Variants in APP observed in about 807,000 individuals in gnomAD.
The protein encoded by APP is amyloid-beta precursor protein.
A neutral mutation model predicts 101.4 loss-of-function variants in APP; 31 were observed. The observed-to-expected ratio is 0.31, with a 90% CI of 0.23 to 0.41. APP has a LOEUF of 0.41. Among genes scored for constraint, APP ranks in the 10% least tolerant of loss-of-function variants. The pLI is 1.00. For missense variants in APP, 839 were observed against 1,003.7 expected (o/e 0.84, Z 2.22); for synonymous variants, 366 against 364.4 (o/e 1.00, Z -0.05).
chr21:26,055,702 C>G (rs899829018), intron 3 of APP, among the ~76,000 whole-genome samples: 1 of 152,202 alleles, frequency 6.6e-6, no homozygotes, highest in Non-Finnish European at 1.5e-5. Flanking sequence ...AATGTCCAAA[C>G]TAAGAAGTGA....
At chr21:26,136,205 A>AAAGAAG (rs758175200) in intron 1 of APP, among the ~76,000 whole-genome samples, 2 of 116,984 alleles carry the variant, frequency 1.7e-5, no homozygotes, top group African/African-American at 7.2e-5. Flanking sequence ...AAGAAAGAAA[A>AAAGAAG]GAAAAGAAAG....
intron 6 of APP, among the ~76,000 whole-genome samples, chr21:26,010,324 TTC>T (rs552830774): frequency 4.1e-4 from 63 of 152,356 alleles, no homozygotes; most frequent in African/African-American, 1.3e-3. Context: ...TTATGTTGTT[TTC>T]TGTTTCTAAA....
intron 8 of APP, among the ~76,000 whole-genome samples, chr21:25,987,785 T>A (rs541763651): frequency 1.3e-5 from 2 of 152,356 alleles, no homozygotes; most frequent in South Asian, 4.1e-4. Context: ...TTAGTGCGCC[T>A]GTTCATTCTT....
At chr21:26,025,461 G>A (rs996321017) in intron 5 of APP, among the ~76,000 whole-genome samples, 7 of 152,150 alleles carry the variant, frequency 4.6e-5, no homozygotes, top group African/African-American at 1.7e-4. Context: ...CTGGAATGAC[G>A]ATGTCCAAGT....
intron 5 of APP, among the ~76,000 whole-genome samples, chr21:26,033,268 G>A (rs1638551469): frequency 6.6e-6 from 1 of 152,164 alleles, no homozygotes; most frequent in Admixed American, 6.5e-5. Flanking sequence ...CAGTGAGGGA[G>A]TTCTCAGGAG....
chr21:25,907,949 CA>C (rs11350204), intron 14 of APP, among the ~76,000 whole-genome samples: 8,388 of 152,250 alleles, frequency 0.055, 747 homozygotes, highest in African/African-American at 0.19. Context: ...TACATCCATA[CA>C]AGTCTTATAA....
intron 5 of APP, among the ~76,000 whole-genome samples, chr21:26,046,643 C>A (rs1325542014): frequency 2.0e-5 from 3 of 152,090 alleles, no homozygotes; most frequent in African/African-American, 2.4e-5. Context: ...TAAAAGAATA[C>A]ATCGATAATT....
At chr21:26,032,177 A>G (rs1471328149) in intron 5 of APP, among the ~76,000 whole-genome samples, 2 of 152,184 alleles carry the variant, frequency 1.3e-5, no homozygotes, top group African/African-American at 2.4e-5. Flanking sequence ...TTCCTCTTCC[A>G]ACAAGCCCAC....
intron 9 of APP, among the ~76,000 whole-genome samples, chr21:25,979,579 G>T (rs1291357104): frequency 1.3e-5 from 2 of 152,002 alleles, no homozygotes; most frequent in African/African-American, 2.4e-5. Context: ...TCTGCTCTGG[G>T]ACAACATCTC....
intron 5 of APP, among the ~76,000 whole-genome samples, chr21:26,027,083 CAG>C (rs1568876607): frequency 6.6e-6 from 1 of 151,954 alleles, no homozygotes; most frequent in African/African-American, 2.4e-5. Flanking sequence ...TACAGATAAA[CAG>C]GGAGGAAATG....
intron 13 of APP, among the ~76,000 whole-genome samples, chr21:25,952,228 T>TCACACACAC (rs2041117828): frequency 1.0e-5 from 1 of 98,600 alleles, no homozygotes; most frequent in Non-Finnish European, 2.1e-5. Context: ...ACACACACAT[T>TCACACACAC]AAGAGCACAT....
At chr21:26,076,525 C>T (rs2061499644) in intron 3 of APP, among the ~76,000 whole-genome samples, 1 of 152,156 alleles carries the variant, frequency 6.6e-6, no homozygotes, top group South Asian at 2.1e-4. Flanking sequence ...AGAGTAAAAA[C>T]AATCACAAGT....
chr21:25,970,960 C>T (rs1304973077), intron 11 of APP, among the ~76,000 whole-genome samples: 5 of 152,146 alleles, frequency 3.3e-5, no homozygotes, highest in African/African-American at 1.2e-4. Context: ...AATGCACAAA[C>T]AATTCCAGCC....
chr21:25,880,978 T>C lies in APP; in HGVS notation c.*692A>G, dbSNP rs1162410092. The C allele has an allele frequency of 6.7e-6, 1 of 150,134 alleles. No homozygotes were observed. The highest frequency in any genetic ancestry group is 1.5e-5 in the Non-Finnish European group (1 of 67,596). The allele number at this position is 150,134 out of a possible 1,614,324, so 9.3% of individuals were successfully genotyped here. A position where few individuals can be genotyped will look rare whatever the true frequency, so the allele number is the denominator to read the frequency against. ...AAAAGTGCTTACAATGAACAGGGAT[T>C]CTTTTCTTTATCAAAGACCCAAAGA... is the stretch of plus-strand genomic sequence containing the variant. On this transcript the variant is annotated 3_prime_UTR_variant, in exon 18 of 18. Transcript: ENST00000346798.
At chr21:25,933,088 CTT>C (rs765344839) in intron 13 of APP, among the ~76,000 whole-genome samples, 2 of 152,078 alleles carry the variant, frequency 1.3e-5, no homozygotes, top group African/African-American at 2.4e-5. Context: ...ATATCCATCA[CTT>C]AAATGTTTTT....
At chr21:26,124,813 T>C (rs921771610) in intron 1 of APP, among the ~76,000 whole-genome samples, 1 of 152,260 alleles carries the variant, frequency 6.6e-6, no homozygotes, top group Admixed American at 6.5e-5. Context: ...AGGTTAAGTT[T>C]TGGGCAAGTT....
At chr21:25,958,432 A>ACGCC (rs2041421611) in intron 11 of APP, among the ~76,000 whole-genome samples, 1 of 152,094 alleles carries the variant, frequency 6.6e-6, no homozygotes, top group Non-Finnish European at 1.5e-5. Flanking sequence ...ACGTGCCACC[A>ACGCC]TGCTCAGCTA....
intron 11 of APP, among the ~76,000 whole-genome samples, chr21:25,972,366 G>A (rs2042063902): frequency 6.6e-6 from 1 of 152,120 alleles, no homozygotes; most frequent in Admixed American, 6.5e-5. Flanking sequence ...GAGAAATAAA[G>A]ATAAAGATAT....
chr21:26,155,197 G>A (rs1311669079), intron 1 of APP, among the ~76,000 whole-genome samples: 1 of 152,206 alleles, frequency 6.6e-6, no homozygotes, highest in Non-Finnish European at 1.5e-5. Context: ...GTTGCAATGA[G>A]CCAAGATTGC....
Sources: gnomAD v4.1 joint callset for allele counts (sites outside exome capture counted in the v4.1 genomes callset) on GRCh38, gnomAD v4.1.1 for gene constraint, MANE v1.5 for transcripts, NCBI Gene and HGNC (gene_info 2026-07-23, HGNC 2026-07-21) for gene names.